MAP3K5: variants seen among roughly 807,000 people sequenced by gnomAD.
The protein encoded by MAP3K5 is ASK-1.
A neutral mutation model predicts 158.7 loss-of-function variants in MAP3K5; 56 were observed. The observed-to-expected ratio is 0.35, with a 90% CI of 0.28 to 0.44. MAP3K5 has a LOEUF of 0.44. Among genes scored for constraint, MAP3K5 ranks in the 20% least tolerant of loss-of-function variants. The pLI is 1.00. For missense variants in MAP3K5, 1,294 were observed against 1,674.8 expected (o/e 0.77, Z 3.97); for synonymous variants, 579 against 601.7 (o/e 0.96, Z 0.55).
At chr6:136,789,051 A>G (rs1451504720) in intron 1 of MAP3K5, among the ~76,000 whole-genome samples, 3 of 152,114 alleles carry the variant, frequency 2.0e-5, no homozygotes, top group African/African-American at 7.3e-5. Flanking sequence ...TAATCCCAAT[A>G]CTTTGGGAGG....
At chr6:136,638,933 C>G (rs948871659) in intron 13 of MAP3K5, among the ~76,000 whole-genome samples, 2 of 152,114 alleles carry the variant, frequency 1.3e-5, no homozygotes, top group Non-Finnish European at 2.9e-5. Context: ...TCATAGTGTT[C>G]TAAAGAAGTA....
intron 7 of MAP3K5, among the ~76,000 whole-genome samples, chr6:136,685,604 T>G (rs1780114171): frequency 6.6e-6 from 1 of 152,110 alleles, no homozygotes; most frequent in African/African-American, 2.4e-5. Context: ...TTCCATTGAG[T>G]TGGAACTCTT....
In MAP3K5 at chr6:136,605,348, G is replaced by C. The variant is rs1776056776; in HGVS notation, c.2540C>G (p.Ala847Gly). ...TGGTCCTTTATCTATTATTTCTGGT[G>C]CCATATACTGGAGGGTACCTGGAAA... ...ETFTGTLQYM[A>G]PEIIDKGPRG... Residue 847 changes from alanine to glycine, a missense_variant, in exon 19 of 30, where the codon GCA becomes GGA. Physicochemically the swap from Ala to Gly is moderately conservative, Grantham distance 60 (BLOSUM62 0). This residue lies in a region of MAP3K5 where 362 missense variants were observed against 463.2 expected (regional missense o/e 0.78). Transcript: ENST00000359015. 1 of 1,613,370 alleles carries C rather than the reference G, an allele frequency of 6.2e-7. No homozygotes were observed. Among genetic ancestry groups the C allele is most frequent in the Non-Finnish European group, 8.5e-7 (1 of 1,179,760 alleles).
chr6:136,668,851 G>A lies in MAP3K5; in HGVS notation c.1366+432C>T, dbSNP rs377150162. 1.6e-3 allele frequency among the ~76,000 whole-genome samples: 242 copies of A among 152,194 alleles called. 3 individuals are homozygous for A. In the South Asian group the frequency reaches 0.039, roughly 25 times the overall value. ...TTTGGGAGGCTCTTCCCCCAACACC[G>A]GTGAAATCATAGGGAAAGGTGTGCT... On this transcript the variant is annotated intron_variant, in intron 8 of 29. Coordinates refer to ENST00000359015, the MANE Select transcript of MAP3K5 (RefSeq NM_005923.4).
intron 11 of MAP3K5, chr6:136,647,710 T>C (rs1778332265): frequency 6.6e-6 from 1 of 152,312 alleles, no homozygotes. Context: ...GGTGCCTTGG[T>C]TGGAATTCTG....
At position 136,697,464 on chromosome 6, in the gene MAP3K5, CAT is replaced by C. The variant is rs1583435913; in HGVS notation, c.807-79_807-78del. On this transcript the variant is annotated intron_variant, in intron 4 of 29. Transcript: ENST00000359015. ...TGAAAAGCAATAATTTTAATAAAGACATGAATGATATTGCAGCATTAGCTATA... is the reference window on the plus strand; with the variant it reads ...TGAAAAGCAATAATTTTAATAAAGACGAATGATATTGCAGCATTAGCTATA... 40 of 1,221,656 alleles carry C rather than the reference CAT, an allele frequency of 3.3e-5. No individual in the cohort carries two copies. The East Asian group carries it at 9.6e-4, about 29-fold the overall frequency. 75.7% of individuals were successfully genotyped at this position (1,221,656 alleles called of 1,614,324 possible).
At chr6:136,566,044 CAAGAGACACTCAG>C (rs1562509648) in intron 26 of MAP3K5, among the ~76,000 whole-genome samples, 1 of 152,106 alleles carries the variant, frequency 6.6e-6, no homozygotes, top group Non-Finnish European at 1.5e-5. Flanking sequence ...CAGCTAGAAC[CAAGAGACACTCAG>C]AAGAGAAAGG....
At chr6:136,692,425 T>C (rs1266166360) in intron 7 of MAP3K5, among the ~76,000 whole-genome samples, 1 of 152,210 alleles carries the variant, frequency 6.6e-6, no homozygotes, top group Non-Finnish European at 1.5e-5. Flanking sequence ...GATTTCCTGC[T>C]AGAGTTCTAT....
chr6:136,682,157 C>T (rs1023353100), intron 7 of MAP3K5, among the ~76,000 whole-genome samples: 2 of 152,186 alleles, frequency 1.3e-5, no homozygotes, highest in African/African-American at 2.4e-5. Flanking sequence ...CACCAATGAG[C>T]TGGTGTCATG....
intron 1 of MAP3K5, among the ~76,000 whole-genome samples, chr6:136,758,723 C>T (rs1026195623): frequency 1.3e-5 from 2 of 152,184 alleles, no homozygotes; most frequent in South Asian, 2.1e-4. Context: ...TAATAATTTA[C>T]AAGGAATCAA....
In MAP3K5 at chr6:136,613,125, T is replaced by A. The variant is rs1192574054; in HGVS notation, c.2410A>T (p.Ile804Leu). 1 of 1,604,832 alleles carries A rather than the reference T, an allele frequency of 6.2e-7. No homozygotes were observed. Among genetic ancestry groups the A allele is most frequent in the African/African-American group, 1.3e-5 (1 of 74,622 alleles). ...LHDNQIVHRD[I>L]KGDNVLINTY... is the part of the protein sequence containing the mutation. ...TGAATGCTGGTGTACCTCACCTTTATGTCCCGGTGAACTATCTGATTGTCA... is the reference window on the plus strand; with the variant it reads ...TGAATGCTGGTGTACCTCACCTTTAAGTCCCGGTGAACTATCTGATTGTCA... The change falls in exon 17 of 30, where the codon ATA becomes TTA. Residue 804 changes from isoleucine (I) to leucine (L), a missense_variant. Physicochemically the swap from Ile to Leu is conservative, Grantham distance 5. Around this residue, in one of 5 missense-constraint regions of MAP3K5, gnomAD observed 362 missense variants for 463.2 expected, o/e 0.78. Transcript: ENST00000359015. This position sits in a 1 kb window ranked among gnomAD's most constrained non-coding sequence, Gnocchi z 4.0.
chr6:136,670,738 T>C lies in MAP3K5; in HGVS notation c.1254-1343A>G, dbSNP rs567450304. ...AATATTGAGGACCATGTCTCTTTTT[T>C]AAATGTCTTGCTCTTTAATTAGAAC... On this transcript the variant is annotated intron_variant, in intron 7 of 29. Coordinates refer to ENST00000359015, the MANE Select transcript of MAP3K5 (RefSeq NM_005923.4). 5.3e-5 allele frequency among the ~76,000 whole-genome samples: 8 copies of C among 152,286 alleles called. No individual in the cohort carries two copies. The South Asian group carries it at 1.7e-3, about 32-fold the overall frequency.
intron 7 of MAP3K5, among the ~76,000 whole-genome samples, chr6:136,670,131 C>T (rs2114529770): frequency 6.6e-6 from 1 of 152,002 alleles, no homozygotes; most frequent in South Asian, 2.1e-4. Flanking sequence ...AATTTTGGCT[C>T]AGAGAGTTAT....
chr6:136,622,603 C>T (rs111836937), intron 15 of MAP3K5, among the ~76,000 whole-genome samples: 1,841 of 152,222 alleles, frequency 0.012, 37 homozygotes, highest in African/African-American at 0.043. Flanking sequence ...CACCTTTATC[C>T]AAGACAACCT....
At chr6:136,590,647 T>C (rs1369020190) in intron 23 of MAP3K5, among the ~76,000 whole-genome samples, 2 of 151,862 alleles carry the variant, frequency 1.3e-5, no homozygotes, top group Non-Finnish European at 2.9e-5. Flanking sequence ...TTCACGCCAT[T>C]CTCCTGCCTC....
At chr6:136,772,348 A>C (rs976865734) in intron 1 of MAP3K5, among the ~76,000 whole-genome samples, 1 of 152,200 alleles carries the variant, frequency 6.6e-6, no homozygotes, top group African/African-American at 2.4e-5. Flanking sequence ...AGCATGGCAC[A>C]GAAGACCCTG....
intron 25 of MAP3K5, 100 bp downstream of exon 25, chr6:136,580,201 T>G (rs757924780): frequency 4.7e-5 from 37 of 785,966 alleles, no homozygotes; most frequent in Non-Finnish European, 7.8e-5. Flanking sequence ...AAGGGTATTA[T>G]GGTTTTTAAA....
intron 24 of MAP3K5, among the ~76,000 whole-genome samples, chr6:136,581,389 A>C (rs1187569508): frequency 6.6e-6 from 1 of 152,232 alleles, no homozygotes. Context: ...GACTATGACA[A>C]GCTCACTTAG....
chr6:136,652,172 AG>A (rs759193514), intron 10 of MAP3K5, among the ~76,000 whole-genome samples: 2 of 152,180 alleles, frequency 1.3e-5, no homozygotes, highest in Admixed American at 6.5e-5. Flanking sequence ...ATGCACTCTC[AG>A]AAAGCAGGCA....
Sources: gnomAD v4.1 joint callset for allele counts (sites outside exome capture counted in the v4.1 genomes callset) on GRCh38, gnomAD v4.1.1 for gene constraint, gnomAD v4.1.1 regional missense constraint, Gnocchi (gnomAD v3.1) non-coding constraint, MANE v1.5 for transcripts, NCBI Gene and HGNC (gene_info 2026-07-23, HGNC 2026-07-21) for gene names.